Variants in SH3GL3 observed in about 807,000 individuals in gnomAD.
SH3GL3 encodes SH3 domain containing GRB2 like 3, endophilin A3.
In SH3GL3, 33 loss-of-function variants were observed where a neutral mutation model predicts 47.7. That is an observed-to-expected ratio of 0.69 (90% CI 0.52 to 0.92). The LOEUF (loss-of-function observed/expected upper bound fraction) is 0.92. Ranked by LOEUF, SH3GL3 falls within the 40% of genes least tolerant of loss-of-function variation. SH3GL3 has a pLI of 0.00. For missense variants in SH3GL3, 363 were observed against 417.8 expected, an observed-to-expected ratio of 0.87 and a Z score of 1.14; for synonymous variants, 155 against 148.8, an observed-to-expected ratio of 1.04 and a Z score of -0.30.
chr15:83,474,915 C>T (rs1385335914), intron 1 of SH3GL3, among the ~76,000 whole-genome samples: 2 of 151,970 alleles, frequency 1.3e-5, no homozygotes, highest in Non-Finnish European at 2.9e-5. Context: ...GGGTGGGCAG[C>T]CTCACAAGTG....
At chr15:83,604,212 C>T (rs2060460559) in intron 8 of SH3GL3, among the ~76,000 whole-genome samples, 1 of 152,124 alleles carries the variant, frequency 6.6e-6, no homozygotes, top group African/African-American at 2.4e-5. Context: ...TGAGTTCAAC[C>T]TCAGCCTCCC....
intron 8 of SH3GL3, chr15:83,611,560 C>G (rs981543265): frequency 1.3e-5 from 2 of 151,788 alleles, no homozygotes; most frequent in African/African-American, 4.9e-5. Flanking sequence ...CCTGGGAGCT[C>G]CTACACAACT....
intron 1 of SH3GL3, among the ~76,000 whole-genome samples, chr15:83,544,042 T>C (rs1302442345): frequency 1.3e-5 from 2 of 151,970 alleles, no homozygotes; most frequent in African/African-American, 4.8e-5. Flanking sequence ...TTTTTTTTTC[T>C]TTACTAATTT....
At chr15:83,571,165 C>G (rs1263695191) in intron 4 of SH3GL3, among the ~76,000 whole-genome samples, 1 of 152,194 alleles carries the variant, frequency 6.6e-6, no homozygotes, top group Non-Finnish European at 1.5e-5. Context: ...GCCCCACACC[C>G]GTGGAATTCG....
At chr15:83,549,600 GC>G (rs1329691000) in intron 1 of SH3GL3, among the ~76,000 whole-genome samples, 1 of 152,156 alleles carries the variant, frequency 6.6e-6, no homozygotes, top group African/African-American at 2.4e-5. Flanking sequence ...AGAAATACCT[GC>G]TTAGATATTT....
At chr15:83,477,595 A>T (rs1380776029) in intron 1 of SH3GL3, among the ~76,000 whole-genome samples, 1 of 152,188 alleles carries the variant, frequency 6.6e-6, no homozygotes, top group Non-Finnish European at 1.5e-5. Context: ...TTTGTACAAT[A>T]GTAATGGAAT....
chr15:83,497,293 T>C (rs1214880765), intron 1 of SH3GL3, among the ~76,000 whole-genome samples: 1 of 152,138 alleles, frequency 6.6e-6, no homozygotes, highest in Non-Finnish European at 1.5e-5. Flanking sequence ...TTACTGACAC[T>C]TACCTTGAGG....
chr15:83,630,411 A>C, the SH3GL3 span, among the ~76,000 whole-genome samples: 18 of 152,322 alleles, frequency 1.2e-4, no homozygotes, highest in African/African-American at 4.3e-4. Context: ...ACTAAAAAAC[A>C]TTCATAATAC....
intron 3 of SH3GL3, among the ~76,000 whole-genome samples, chr15:83,566,134 C>T (rs955191203): frequency 6.6e-6 from 1 of 152,122 alleles, no homozygotes; most frequent in African/African-American, 2.4e-5. Flanking sequence ...CTGGAGTACA[C>T]TATGAAATCA....
At chr15:83,567,058 C>G (rs1017686430) in intron 3 of SH3GL3, among the ~76,000 whole-genome samples, 13 of 152,014 alleles carry the variant, frequency 8.6e-5, no homozygotes, top group Non-Finnish European at 1.9e-4. Context: ...TCTCAAATAC[C>G]ACAAACTAGT....
chr15:83,541,247 C>T (rs2044136959), intron 1 of SH3GL3, among the ~76,000 whole-genome samples: 1 of 141,766 alleles, frequency 7.1e-6, no homozygotes, highest in Non-Finnish European at 1.5e-5. Flanking sequence ...GCAGATATCT[C>T]TTTGATACAC....
At chr15:83,566,365 AGTGTGTGTGTGTGTGTGTGT>A (rs57323112) in intron 3 of SH3GL3, among the ~76,000 whole-genome samples, 3 of 136,626 alleles carry the variant, frequency 2.2e-5, no homozygotes, top group Non-Finnish European at 3.1e-5. Context: ...AGAGAGAGAG[AGTGTGTGTGTGTGTGTGTGT>A]GTGTGTGTGT....
At position 83,501,661 on chromosome 15, in the gene SH3GL3, G is replaced by A. The variant is rs540127076; in HGVS notation, c.45+54083G>A. On this transcript the variant is annotated intron_variant, in intron 1 of 8. Coordinates refer to ENST00000427482, the MANE Select transcript of SH3GL3 (RefSeq NM_003027.5). ...AATCCCAGCACTTTGGGAGGCCTAG[G>A]CAGGCAGATCACCTGAGGTCAGGAG... Among the ~76,000 whole-genome samples the A allele has an allele frequency of 2.0e-5, 3 of 152,280 alleles. No individual in the cohort carries two copies. In the East Asian group the frequency reaches 5.8e-4, roughly 29 times the overall value.
Position 83,485,629 on chromosome 15 carries a change from G to A in SH3GL3, c.45+38051G>A, listed in dbSNP as rs537417336. On this transcript the variant is annotated intron_variant, in intron 1 of 8. Transcript: ENST00000427482. ...CTCCCAAGTCGCTGGAACTACAGGCGTATGCCACCACACCTAGCTAGTTTG... is the reference window on the plus strand; with the variant it reads ...CTCCCAAGTCGCTGGAACTACAGGCATATGCCACCACACCTAGCTAGTTTG... 2.1e-4 allele frequency among the ~76,000 whole-genome samples: 32 copies of A among 151,906 alleles called. No individual in the cohort carries two copies. In the South Asian group the frequency reaches 5.9e-3, roughly 28 times the overall value.
intron 1 of SH3GL3, among the ~76,000 whole-genome samples, chr15:83,537,862 A>G (rs2637978): frequency 0.92 from 140,506 of 152,120 alleles, 64,956 homozygotes; most frequent in Middle Eastern, 0.94. Context: ...GCCCTGTTAT[A>G]GATGTTATGG....
chr15:83,523,480 A>C (rs1442377934), intron 1 of SH3GL3, among the ~76,000 whole-genome samples: 1 of 152,170 alleles, frequency 6.6e-6, no homozygotes. Context: ...GACTTTTCTT[A>C]TATGTGGCCT....
At chr15:83,529,224 A>G (rs1162396193) in intron 1 of SH3GL3, among the ~76,000 whole-genome samples, 4 of 152,154 alleles carry the variant, frequency 2.6e-5, no homozygotes, top group Admixed American at 1.3e-4. Context: ...TATGCCAGCC[A>G]TTAGGCTGCT....
chr15:83,620,438 G>C (rs924261971), downstream of SH3GL3, among the ~76,000 whole-genome samples: 1 of 152,182 alleles, frequency 6.6e-6, no homozygotes, highest in East Asian at 1.9e-4. Flanking sequence ...ATTACTTCTT[G>C]ATCCATGGGC....
At chr15:83,474,221 C>A (rs2151539532) in intron 1 of SH3GL3, among the ~76,000 whole-genome samples, 1 of 152,304 alleles carries the variant, frequency 6.6e-6, no homozygotes. Flanking sequence ...GTCCCTCAAA[C>A]ACTGCCTGGC....
Sources: gnomAD v4.1 joint callset for allele counts (sites outside exome capture counted in the v4.1 genomes callset) on GRCh38, gnomAD v4.1.1 for gene constraint, MANE v1.5 for transcripts, NCBI Gene and HGNC (gene_info 2026-07-23, HGNC 2026-07-21) for gene names.